The following POC1B variants were observed in gnomAD, a reference collection of about 807,000 sequenced individuals.
POC1B encodes POC1 centriolar protein homolog B.
Under a neutral mutation model 60.6 loss-of-function variants are expected in POC1B, and 44 were observed. The observed-to-expected ratio is 0.73, with a 90% CI of 0.57 to 0.93. The LOEUF (loss-of-function observed/expected upper bound fraction) is 0.93, where lower values mean the gene tolerates loss of function less well. Among genes scored for constraint, POC1B ranks in the 40% least tolerant of loss-of-function variants. POC1B has a pLI of 0.00. For synonymous variants in POC1B, 180 were observed against 198.9 expected, an observed-to-expected ratio of 0.90 and a Z score of 0.80; for missense variants, 555 against 572.3, an observed-to-expected ratio of 0.97 and a Z score of 0.31.
At chr12:89,501,094 A>C in intron 2 of POC1B, 1 of 1,212,610 alleles carries the variant, frequency 8.2e-7, no homozygotes, top group Non-Finnish European at 1.2e-6. Context: ...GAAACAACGC[A>C]CCATATCCCC....
intron 2 of POC1B, among the ~76,000 whole-genome samples, chr12:89,518,064 TAGA>T (rs1174607763): frequency 1.3e-5 from 2 of 151,762 alleles, no homozygotes; most frequent in Admixed American, 1.3e-4. Context: ...ATTATTAAGT[TAGA>T]AGGACTGCTC....
intron 2 of POC1B, chr12:89,522,825 A>T: frequency 6.3e-7 from 1 of 1,581,658 alleles, no homozygotes; most frequent in Non-Finnish European, 8.6e-7. Flanking sequence ...ATTTCTCAAA[A>T]CTCCAAATTT....
intron 2 of POC1B, among the ~76,000 whole-genome samples, chr12:89,512,362 GAATTT>G (rs1870231262): frequency 6.6e-6 from 1 of 152,158 alleles, no homozygotes; most frequent in South Asian, 2.1e-4. Flanking sequence ...TGAAGAAATT[GAATTT>G]AATTTATTCA....
intron 10 of POC1B, among the ~76,000 whole-genome samples, chr12:89,429,904 A>G (rs1880958104): frequency 6.6e-6 from 1 of 152,238 alleles, no homozygotes; most frequent in African/African-American, 2.4e-5. Context: ...CAATAGTAAT[A>G]CAATCATTGA....
In POC1B at chr12:89,470,434, G is replaced by A. The variant is rs760616676; in HGVS notation, c.737C>T (p.Ala246Val). The change falls in exon 7 of 12, where the codon GCT becomes GTT. Residue 246 changes from alanine (A) to valine (V), a missense_variant. Ala to Val is a moderately conservative substitution (Grantham distance 64). Coordinates refer to ENST00000313546, the MANE Select transcript of POC1B (RefSeq NM_172240.3). ...AATCTTAAGGGTACCATCTGAAGAA[G>A]CTGTGATGAGATAGTTACCCGAAGG... ...FHPSGNYLIT[A>V]SSDGTLKILD... 7 of 1,606,880 alleles carry A rather than the reference G, an allele frequency of 4.4e-6. No individual in the cohort carries two copies. The highest frequency in any genetic ancestry group is 3.3e-5 in the Admixed American group (2 of 59,978).
intron 10 of POC1B, chr12:89,427,496 C>G (rs902538431): frequency 1.3e-5 from 2 of 152,112 alleles, no homozygotes; most frequent in South Asian, 2.1e-4. Flanking sequence ...AGTTTGAGAT[C>G]AGCCTGGGCA....
chr12:89,492,766 C>G (rs1869050749), intron 3 of POC1B, among the ~76,000 whole-genome samples: 1 of 152,168 alleles, frequency 6.6e-6, no homozygotes, highest in South Asian at 2.1e-4. Flanking sequence ...CTCCTGCTTC[C>G]TCTCCCACAT....
chr12:89,452,911 C>T (rs1882112507), intron 10 of POC1B, among the ~76,000 whole-genome samples: 1 of 152,110 alleles, frequency 6.6e-6, no homozygotes, highest in African/African-American at 2.4e-5. Flanking sequence ...ACATTCGCAA[C>T]TGTTAGCAGT....
chr12:89,524,376 A>ATCC (rs781689208), intron 2 of POC1B: 37 of 1,613,836 alleles, frequency 2.3e-5, no homozygotes, highest in Non-Finnish European at 3.0e-5. Flanking sequence ...GTCGAGACAA[A>ATCC]TCCTCCGTAT....
chr12:89,480,863 A>G (rs572389835), intron 4 of POC1B, among the ~76,000 whole-genome samples: 15 of 151,456 alleles, frequency 9.9e-5, no homozygotes, highest in Admixed American at 2.0e-4. Context: ...GCCTCCCAAA[A>G]TGCTGGGATT....
chr12:89,516,444 A>G (rs1870444474), intron 2 of POC1B, among the ~76,000 whole-genome samples: 1 of 152,190 alleles, frequency 6.6e-6, no homozygotes, highest in African/African-American at 2.4e-5. Flanking sequence ...CCATTATCCT[A>G]GTTTGAACCA....
intron 2 of POC1B, among the ~76,000 whole-genome samples, chr12:89,504,482 T>C (rs1243521539): frequency 6.6e-6 from 1 of 151,864 alleles, no homozygotes; most frequent in African/African-American, 2.4e-5. Context: ...GGCCGCAGGG[T>C]CCTCTGCCTA....
chr12:89,514,448 G>C (rs10777179), intron 2 of POC1B, among the ~76,000 whole-genome samples: 95,366 of 132,110 alleles, frequency 0.72, 34,113 homozygotes, highest in Middle Eastern at 0.84. Flanking sequence ...TTACTCTGTC[G>C]TCCAGGCTGG....
At position 89,421,220 on chromosome 12, in the gene POC1B, T is replaced by C. The variant is rs1399310039; in HGVS notation, c.1370A>G (p.Glu457Gly). ...SILEQRLTLTEDKLKDCLENQ... is the reference protein window; with the variant it reads ...SILEQRLTLTGDKLKDCLENQ... ...TTCAAGGCAGTCTTTCAGCTTATCC[T>C]CTGTCAAAGTCAGTCGCTGCTCCAA... is the stretch of plus-strand genomic sequence containing the variant. The change falls in exon 12 of 12, where the codon GAG becomes GGG. Residue 457 changes from glutamate to glycine, a missense_variant. By Grantham distance (98) the Glu-to-Gly change is moderately conservative. Coordinates refer to ENST00000313546, the MANE Select transcript of POC1B (RefSeq NM_172240.3). 1 of 1,602,166 alleles carries C rather than the reference T, an allele frequency of 6.2e-7. No homozygotes were observed. The highest frequency in any genetic ancestry group is 1.1e-5 in the South Asian group (1 of 90,184).
downstream of POC1B, among the ~76,000 whole-genome samples, chr12:89,418,423 C>T (rs1431540233): frequency 6.6e-6 from 1 of 152,146 alleles, no homozygotes; most frequent in Non-Finnish European, 1.5e-5. Context: ...TGAAGAGCCA[C>T]GTGCTTTGAC....
chr12:89,486,506 GAAGA>G (rs1868640035), intron 4 of POC1B, among the ~76,000 whole-genome samples: 1 of 152,192 alleles, frequency 6.6e-6, no homozygotes. Flanking sequence ...GAAAGTGACA[GAAGA>G]AAGACAGAAA....
At chr12:89,472,871 A>T (rs1882957280) in intron 4 of POC1B, among the ~76,000 whole-genome samples, 1 of 152,234 alleles carries the variant, frequency 6.6e-6, no homozygotes, top group Non-Finnish European at 1.5e-5. Context: ...AAGTTCCTTC[A>T]TGGAGAAATC....
intron 4 of POC1B, among the ~76,000 whole-genome samples, chr12:89,481,043 G>T (rs1011709328): frequency 1.5e-5 from 1 of 66,880 alleles, no homozygotes; most frequent in Non-Finnish European, 3.7e-5. Context: ...AATTGTCAGG[G>T]CCTAATTGTT....
intron 2 of POC1B, among the ~76,000 whole-genome samples, chr12:89,516,372 C>G (rs1031716792): frequency 2.0e-5 from 3 of 152,100 alleles, no homozygotes; most frequent in Non-Finnish European, 4.4e-5. Context: ...CACTAAATAC[C>G]ATTTATATGC....
Sources: allele counts gnomAD v4.1 joint callset (sites outside exome capture counted in the v4.1 genomes callset), GRCh38; gene constraint gnomAD v4.1.1; transcripts MANE v1.5; gene names NCBI Gene and HGNC (gene_info 2026-07-23, HGNC 2026-07-21).